Variants in CFAP46 observed in about 807,000 individuals in gnomAD.
The protein encoded by CFAP46 is cilia and flagella associated protein 46.
In CFAP46, 245 loss-of-function variants were observed where a neutral mutation model predicts 325.7. The ratio of observed to expected loss-of-function variants is 0.75; its 90% CI spans 0.68 to 0.84. CFAP46 has a LOEUF of 0.84. Ranked by LOEUF, CFAP46 falls within the 40% of genes least tolerant of loss-of-function variation. The pLI, the probability that CFAP46 is intolerant of heterozygous loss-of-function variation, is 0.00. For synonymous variants in CFAP46, 1,523 were observed against 1,495.9 expected, an observed-to-expected ratio of 1.02 and a Z score of -0.42; for missense variants, 3,346 against 3,543.0, an observed-to-expected ratio of 0.94 and a Z score of 1.41.
At chr10:132,825,746 A>G (rs1564768652) in intron 50 of CFAP46, among the ~76,000 whole-genome samples, 2 of 152,252 alleles carry the variant, frequency 1.3e-5, no homozygotes, top group Non-Finnish European at 2.9e-5. Context: ...TCCAAAGTAT[A>G]CCAGGAAAAT....
chr10:132,814,461 A>G (rs1408303426), intron 53 of CFAP46, 116 bp downstream of exon 53: 7 of 1,314,698 alleles, frequency 5.3e-6, no homozygotes, highest in Admixed American at 2.2e-5. Context: ...GGGCAAGCAC[A>G]TATGCAGATT....
Position 132,867,497 on chromosome 10 carries a change from C to CT in CFAP46, c.4620dup (p.Glu1541ArgfsTer10). 1.3e-6 allele frequency: 2 copies of CT among 1,550,136 alleles called. No homozygotes were observed. The highest frequency in any genetic ancestry group is 1.7e-6 in the Non-Finnish European group (2 of 1,146,938). Reference sequence around the variant, plus strand: ...TTTTTCTCTTTTTTCAACGCGATCTCTTTTCTGCAGCTAATGCGAGGAAAA... The same window carrying CT: ...TTTTTCTCTTTTTTCAACGCGATCTCTTTTTCTGCAGCTAATGCGAGGAAAA... On this transcript the variant is annotated frameshift_variant, in exon 34 of 58. Coordinates refer to ENST00000368586, the MANE Select transcript of CFAP46 (RefSeq NM_001200049.3). LOFTEE classifies it high-confidence loss of function.
At chr10:132,900,668 A>G (rs1478033866) in intron 22 of CFAP46, among the ~76,000 whole-genome samples, 1 of 152,232 alleles carries the variant, frequency 6.6e-6, no homozygotes, top group Non-Finnish European at 1.5e-5. Context: ...ACCACCTTCT[A>G]AGGCGGGCAT....
Position 132,916,530 on chromosome 10 carries a change from C to T in CFAP46, c.2120+19G>A, listed in dbSNP as rs571121057. 5.2e-6 allele frequency: 8 copies of T among 1,544,688 alleles called. No homozygotes were observed. The Admixed American group carries it at 6.0e-5, about 11-fold the overall frequency. ...CACGGCCCCGGGCGGTGCTCAAGGCCACTGTCGCCTCTGCCCACCTGTATG... is the reference window on the plus strand; with the variant it reads ...CACGGCCCCGGGCGGTGCTCAAGGCTACTGTCGCCTCTGCCCACCTGTATG... On this transcript the variant is annotated intron_variant, in intron 17 of 57. Transcript: ENST00000368586.
At chr10:132,821,356 CTG>C (rs1439642574) in intron 50 of CFAP46, among the ~76,000 whole-genome samples, 9 of 102,732 alleles carry the variant, frequency 8.8e-5, no homozygotes, top group African/African-American at 1.7e-4. Flanking sequence ...CTGATGTGTG[CTG>C]TGTGTGCTGT....
intron 55 of CFAP46, among the ~76,000 whole-genome samples, chr10:132,811,312 C>T (rs1441105000): frequency 6.6e-6 from 1 of 152,232 alleles, no homozygotes; most frequent in African/African-American, 2.4e-5. Flanking sequence ...CTCCCCCAGC[C>T]TCCTCTGCCC....
intron 36 of CFAP46, 95 bp from the exon 37 acceptor site, chr10:132,860,618 G>A (rs1055207738): frequency 1.0e-5 from 12 of 1,197,068 alleles, no homozygotes; most frequent in Non-Finnish European, 1.4e-5. Context: ...ATACGGGCCT[G>A]AGGACAGGCG....
chr10:132,872,828 C>T lies in CFAP46; in HGVS notation c.4363-4G>A, dbSNP rs1429972900. ...CCAGGAAATACAAACTGTATGTCTACATGGACACATAACACACACAGGAGG... is the reference window on the plus strand; with the variant it reads ...CCAGGAAATACAAACTGTATGTCTATATGGACACATAACACACACAGGAGG... On this transcript the variant is annotated splice_polypyrimidine_tract_variant and splice_region_variant and intron_variant, in intron 31 of 57. Transcript: ENST00000368586. 1.3e-6 allele frequency: 2 copies of T among 1,551,010 alleles called. No homozygotes were observed. The highest frequency in any genetic ancestry group is 2.7e-5 in the African/African-American group (2 of 73,066).
At chr10:132,838,910 G>T (rs1639547374) in intron 44 of CFAP46, among the ~76,000 whole-genome samples, 1 of 152,248 alleles carries the variant, frequency 6.6e-6, no homozygotes, top group South Asian at 2.1e-4. Flanking sequence ...TTCCATGGGA[G>T]CCATTCTGGT....
chr10:132,904,340 A>C (rs1387842653), intron 22 of CFAP46, among the ~76,000 whole-genome samples: 5 of 152,156 alleles, frequency 3.3e-5, no homozygotes, highest in African/African-American at 1.2e-4. Context: ...TGCACACAGG[A>C]GCACCCACCT....
At position 132,922,631 on chromosome 10, in the gene CFAP46, G is replaced by C; in HGVS notation, c.1334C>G (p.Ala445Gly). 6.5e-7 allele frequency: 1 copy of C among 1,549,762 alleles called. No individual in the cohort carries two copies. Residue 445 changes from alanine to glycine, a missense_variant, in exon 12 of 58, where the codon GCC becomes GGC. Coordinates refer to ENST00000368586, the MANE Select transcript of CFAP46 (RefSeq NM_001200049.3). Reference sequence around the variant, plus strand: ...CGCGGCTTTCCGGAGGTGCTCCGTGGCGGGCTCCAGCCGGTCCTCGTCCTC... The same window carrying C: ...CGCGGCTTTCCGGAGGTGCTCCGTGCCGGGCTCCAGCCGGTCCTCGTCCTC... ...IEEDEDRLEP[A>G]TEHLRKAARL... is the part of the protein sequence containing the mutation.
intron 8 of CFAP46, among the ~76,000 whole-genome samples, chr10:132,934,450 T>A (rs1015996611): frequency 2.0e-5 from 3 of 152,164 alleles, no homozygotes; most frequent in Admixed American, 2.0e-4. Flanking sequence ...GAAACCTGTG[T>A]TTTCCCACCC....
Position 132,863,257 on chromosome 10 carries a change from G to C in CFAP46, c.4891-2275C>G, listed in dbSNP as rs539932957. 3.3e-5 allele frequency among the ~76,000 whole-genome samples: 5 copies of C among 152,132 alleles called. No homozygotes were observed. In the South Asian group the frequency reaches 1.0e-3, roughly 32 times the overall value. On this transcript the variant is annotated intron_variant, in intron 35 of 57. Transcript: ENST00000368586. ...CACCTCCCACTGCCTCCCGACCCCG[G>C]GGTGAGGGAGACTGGGCCTCTGCCC...
At chr10:132,824,757 T>C (rs1363819932) in intron 50 of CFAP46, among the ~76,000 whole-genome samples, 5 of 106,952 alleles carry the variant, frequency 4.7e-5, no homozygotes, top group Admixed American at 9.8e-5. Flanking sequence ...GCTGTGTGAG[T>C]GCTGATGTGT....
intron 27 of CFAP46, among the ~76,000 whole-genome samples, chr10:132,883,873 A>C (rs1455234977): frequency 1.3e-5 from 2 of 152,306 alleles, no homozygotes; most frequent in African/African-American, 2.4e-5. Flanking sequence ...TGCTGGGGCC[A>C]ATGGAGGGAG....
chr10:132,839,567 C>G (rs1170687645), intron 44 of CFAP46, among the ~76,000 whole-genome samples: 1 of 152,226 alleles, frequency 6.6e-6, no homozygotes, highest in African/African-American at 2.4e-5. Context: ...GTATTCAATA[C>G]AAGTGCTGAT....
chr10:132,929,231 A>G lies in CFAP46; in HGVS notation c.966+474T>C, dbSNP rs1849854128. 4 of 507,714 alleles carry G rather than the reference A, an allele frequency of 7.9e-6. No homozygotes were observed. The South Asian group carries it at 1.3e-4, about 17-fold the overall frequency. The allele number at this position is 507,714 out of a possible 1,614,324, so 31.5% of individuals were successfully genotyped here. On this transcript the variant is annotated intron_variant, in intron 9 of 57. Transcript: ENST00000368586. ...TAACAATAACTAATAATAAGATACAATCATAACACTATACTGTAACAGAAG... is the reference window on the plus strand; with the variant it reads ...TAACAATAACTAATAATAAGATACAGTCATAACACTATACTGTAACAGAAG...
Position 132,847,298 on chromosome 10 carries a change from G to A in CFAP46, c.5976C>T (p.Leu1992=). ...GPSVGAKLSG[L]KSLELEVEEE... ...CCTCTACCTCCAGCTCCAGAGACTTGAGGCCGCTCAGCTTGGCGCCCACCT... is the reference window on the plus strand; with the variant it reads ...CCTCTACCTCCAGCTCCAGAGACTTAAGGCCGCTCAGCTTGGCGCCCACCT... Residue 1992 remains leucine (L), a synonymous_variant, in exon 42 of 58, where the codon CTC becomes CTT. Transcript: ENST00000368586. This position sits in a 1 kb window ranked among gnomAD's most constrained non-coding sequence, Gnocchi z 5.2. 1 of 1,613,576 alleles carries A rather than the reference G, an allele frequency of 6.2e-7. No individual in the cohort carries two copies. The highest frequency in any genetic ancestry group is 8.5e-7 in the Non-Finnish European group (1 of 1,179,934).
chr10:132,869,343 A>G lies in CFAP46; in HGVS notation c.4541T>C (p.Leu1514Pro). Residue 1514 changes from leucine (L) to proline (P), a missense_variant, in exon 33 of 58, where the codon CTG becomes CCG. Transcript: ENST00000368586. This position sits in a 1 kb window ranked among gnomAD's most constrained non-coding sequence, Gnocchi z 6.2. ...RLAHACSELK[L>P]REAAARHEEA... ...TTCATGGCGCGCGGCTGCTTCTCTC[A>G]GCTTCAGCTCGGAGCACGCGTGGGC... The G allele has an allele frequency of 6.5e-7, 1 of 1,538,316 alleles. No homozygotes were observed. Among genetic ancestry groups the G allele is most frequent in the Non-Finnish European group, 8.7e-7 (1 of 1,144,550 alleles).
Sources: gnomAD v4.1 joint callset for allele counts (sites outside exome capture counted in the v4.1 genomes callset) on GRCh38, gnomAD v4.1.1 for gene constraint, Gnocchi (gnomAD v3.1) non-coding constraint, MANE v1.5 for transcripts, NCBI Gene and HGNC (gene_info 2026-07-23, HGNC 2026-07-21) for gene names.